Variants in FAAH2 observed in about 807,000 individuals in gnomAD.
The protein encoded by FAAH2 is fatty-acid amide hydrolase 2.
In FAAH2, 60 loss-of-function variants were observed where a neutral mutation model predicts 36.9. That is an observed-to-expected ratio of 1.63 (90% CI 1.32 to 2.02). FAAH2 has a LOEUF of 2.02. Among genes scored for constraint, FAAH2 ranks in the 30% most tolerant of loss-of-function variants. FAAH2 has a pLI of 0.00. For synonymous variants in FAAH2, 214 were observed against 143.8 expected, an observed-to-expected ratio of 1.49 and a Z score of -3.49; for missense variants, 689 against 397.5, an observed-to-expected ratio of 1.73 and a Z score of -6.23.
the FAAH2 span, among the ~76,000 whole-genome samples, chrX:57,166,667 T>C: frequency 8.9e-6 from 1 of 112,376 alleles, no homozygotes; most frequent in South Asian, 3.7e-4. Context: ...ATTTCACTTA[T>C]AAAGCACATA....
chrX:57,269,315 T>C, the FAAH2 span, among the ~76,000 whole-genome samples: 3 of 111,405 alleles, frequency 2.7e-5, no homozygotes, highest in Non-Finnish European at 3.8e-5. Context: ...AGACAGATTA[T>C]TGAGGCAGAA....
intron 6 of FAAH2, among the ~76,000 whole-genome samples, chrX:57,379,877 C>A (rs977173886): frequency 9.4e-6 from 1 of 106,307 alleles, no homozygotes; most frequent in Non-Finnish European, 1.9e-5. Flanking sequence ...CCATTCATTA[C>A]CTCATTATAA....
At chrX:57,200,799 C>CA in the FAAH2 span, among the ~76,000 whole-genome samples, 1 of 111,894 alleles carries the variant, frequency 8.9e-6, no homozygotes, top group African/African-American at 3.2e-5. Context: ...AAGTAATTTG[C>CA]ACATCACTAT....
chrX:57,211,165 C>A, the FAAH2 span, among the ~76,000 whole-genome samples: 1 of 111,352 alleles, frequency 9.0e-6, no homozygotes, highest in Non-Finnish European at 1.9e-5. Flanking sequence ...TATTTTAATC[C>A]TCTCCTAATT....
the FAAH2 span, among the ~76,000 whole-genome samples, chrX:57,215,320 T>G: frequency 9.0e-6 from 1 of 111,545 alleles, no homozygotes; most frequent in Non-Finnish European, 1.9e-5. Context: ...AAACAACAGA[T>G]GCTGATGAGG....
intron 3 of FAAH2, among the ~76,000 whole-genome samples, chrX:57,324,398 C>T (rs898399686): frequency 1.1e-4 from 12 of 111,546 alleles, no homozygotes; most frequent in Admixed American, 3.8e-4. Context: ...TAGCTTGATG[C>T]GGATGGCATT....
chrX:57,393,303 CA>C (rs2055211277), intron 7 of FAAH2: 41 of 1,008,892 alleles, frequency 4.1e-5, no homozygotes, highest in Non-Finnish European at 5.8e-5. Flanking sequence ...GGCATTCCAG[CA>C]GTGACCATAG....
chrX:57,150,463 A>G, the FAAH2 span, among the ~76,000 whole-genome samples: 1 of 112,141 alleles, frequency 8.9e-6, no homozygotes, highest in South Asian at 3.7e-4. Context: ...GTGCATATGT[A>G]TTTAGGATAG....
chrX:57,451,039 C>T (rs1484744842), intron 10 of FAAH2, among the ~76,000 whole-genome samples: 3 of 111,308 alleles, frequency 2.7e-5, no homozygotes, highest in Non-Finnish European at 3.8e-5. Flanking sequence ...TATTAGTGTC[C>T]TCATTTTACA....
chrX:57,148,779 C>A, the FAAH2 span, among the ~76,000 whole-genome samples: 45 of 111,379 alleles, frequency 4.0e-4, no homozygotes, highest in South Asian at 6.5e-3. Flanking sequence ...TTGTTCTGGC[C>A]AGAACTTCCA....
the FAAH2 span, among the ~76,000 whole-genome samples, chrX:57,209,897 G>A: frequency 9.1e-6 from 1 of 110,414 alleles, no homozygotes; most frequent in African/African-American, 3.3e-5. Context: ...GCTATGACTG[G>A]TTTTAATGCT....
intron 3 of FAAH2, among the ~76,000 whole-genome samples, chrX:57,314,716 CA>C (rs200566322): frequency 3.7e-4 from 41 of 109,924 alleles, no homozygotes; most frequent in Non-Finnish European, 5.9e-4. Context: ...TACAAAAAAA[CA>C]AAAAAAATCT....
the FAAH2 span, among the ~76,000 whole-genome samples, chrX:57,162,649 G>C: frequency 9.0e-6 from 1 of 110,649 alleles, no homozygotes; most frequent in Non-Finnish European, 1.9e-5. Flanking sequence ...CCAGTTGATC[G>C]CATCGGCTCC....
chrX:57,477,540 G>A (rs1421944380), intron 10 of FAAH2, among the ~76,000 whole-genome samples: 5 of 110,906 alleles, frequency 4.5e-5, no homozygotes, highest in African/African-American at 6.6e-5. Context: ...TGCACAATGT[G>A]CAGGTTTGTT....
intron 7 of FAAH2, among the ~76,000 whole-genome samples, chrX:57,428,072 A>G (rs945097469): frequency 5.4e-5 from 6 of 111,891 alleles, no homozygotes; most frequent in Non-Finnish European, 1.1e-4. Context: ...TACAAAATCT[A>G]TGTACAAAAA....
chrX:57,443,710 C>G (rs1602685526), intron 8 of FAAH2, among the ~76,000 whole-genome samples: 2 of 111,878 alleles, frequency 1.8e-5, no homozygotes, highest in East Asian at 5.6e-4. Context: ...GAATTTTCAG[C>G]TTTTCTGCTC....
chrX:57,166,809 G>A, the FAAH2 span, among the ~76,000 whole-genome samples: 1 of 111,754 alleles, frequency 8.9e-6, no homozygotes, highest in South Asian at 3.8e-4. Context: ...AATAAGAGCA[G>A]GTCCTCACCG....
chrX:57,203,127 C>A, the FAAH2 span, among the ~76,000 whole-genome samples: 2 of 111,909 alleles, frequency 1.8e-5, no homozygotes, highest in South Asian at 7.4e-4. Flanking sequence ...GTCTCACAGC[C>A]TTCAGAGCTG....
intron 3 of FAAH2, among the ~76,000 whole-genome samples, chrX:57,315,935 G>A (rs1479118915): frequency 9.0e-6 from 1 of 111,201 alleles, no homozygotes; most frequent in Non-Finnish European, 1.9e-5. Flanking sequence ...GAAAGAAAAG[G>A]CATCCAAATA....
Sources: allele counts gnomAD v4.1 joint callset (sites outside exome capture counted in the v4.1 genomes callset), GRCh38; gene constraint gnomAD v4.1.1; transcripts MANE v1.5; gene names NCBI Gene and HGNC (gene_info 2026-07-23, HGNC 2026-07-21).